The following SMYD3 variants were observed in gnomAD, a reference collection of about 807,000 sequenced individuals.
SMYD3 encodes the protein histone-lysine N-methyltransferase SMYD3.
In SMYD3, 36 loss-of-function variants were observed where a neutral mutation model predicts 57.7. The observed-to-expected ratio is 0.62, with a 90% confidence interval of 0.48 to 0.82. The LOEUF (loss-of-function observed/expected upper bound fraction) is 0.82. Ranked by LOEUF, SMYD3 falls within the 40% of genes least tolerant of loss-of-function variation. The pLI is 0.00. For synonymous variants in SMYD3, 211 were observed against 195.0 expected, an observed-to-expected ratio of 1.08 and a Z score of -0.68; for missense variants, 515 against 538.8, an observed-to-expected ratio of 0.96 and a Z score of 0.44.
intron 5 of SMYD3, among the ~76,000 whole-genome samples, chr1:245,980,167 C>T (rs1193738862): frequency 6.6e-6 from 1 of 152,222 alleles, no homozygotes; most frequent in East Asian, 1.9e-4. Flanking sequence ...GCGGCATGAT[C>T]TCTATCACAG....
At chr1:246,269,533 C>CTTTTTTTTTTTT (rs139750750) in intron 5 of SMYD3, among the ~76,000 whole-genome samples, 1 of 138,788 alleles carries the variant, frequency 7.2e-6, no homozygotes, top group Non-Finnish European at 1.5e-5. Flanking sequence ...CTTTCTGTTT[C>CTTTTTTTTTTTT]TTTTTTTTTC....
At position 246,507,040 on chromosome 1, in the gene SMYD3, C is replaced by T. The variant is rs1424562765; in HGVS notation, c.164+14G>A. 6 of 1,412,514 alleles carry T rather than the reference C, an allele frequency of 4.2e-6. No homozygotes were observed. Among genetic ancestry groups the T allele is most frequent in the Middle Eastern group, 1.8e-4 (1 of 5,408 alleles). 87.5% of individuals were successfully genotyped at this position (1,412,514 alleles called of 1,614,324 possible). A position where few individuals can be genotyped will look rare whatever the true frequency, so the allele number is the denominator to read the frequency against. ...AGCTCGCGACTCAGGTAGGCGAGGGCGCTCCTTACGCACCCGAGAAGGCAG... is the reference window on the plus strand; with the variant it reads ...AGCTCGCGACTCAGGTAGGCGAGGGTGCTCCTTACGCACCCGAGAAGGCAG... On this transcript the variant is annotated intron_variant, in intron 1 of 11. Transcript: ENST00000490107.
intron 5 of SMYD3, among the ~76,000 whole-genome samples, chr1:246,288,840 C>A (rs1305048990): frequency 6.6e-6 from 1 of 152,132 alleles, no homozygotes; most frequent in Non-Finnish European, 1.5e-5. Context: ...TGGCCAGGCA[C>A]GGTGACTCAC....
intron 5 of SMYD3, among the ~76,000 whole-genome samples, chr1:245,942,175 C>A (rs1310688972): frequency 6.6e-6 from 1 of 152,186 alleles, no homozygotes. Flanking sequence ...TTAAAAGACA[C>A]AGAATGGCAA....
At chr1:246,255,271 AGATGGATCTTATTATTTT>A (rs992691830) in intron 5 of SMYD3, among the ~76,000 whole-genome samples, 2 of 151,452 alleles carry the variant, frequency 1.3e-5, no homozygotes, top group Admixed American at 1.3e-4. Context: ...GGTTTGTCAT[AGATGGATCTTATTATTTT>A]GATGGATCTT....
chr1:246,390,214 CAAAAAAAAAAAAAA>C (rs56279385), intron 1 of SMYD3, among the ~76,000 whole-genome samples: 5 of 67,040 alleles, frequency 7.5e-5, no homozygotes, highest in African/African-American at 1.9e-4. Context: ...ATTCTGTCTC[CAAAAAAAAAAAAAA>C]AAAAAAAAAA....
At chr1:246,251,317 T>C (rs1276082155) in intron 5 of SMYD3, among the ~76,000 whole-genome samples, 1 of 152,224 alleles carries the variant, frequency 6.6e-6, no homozygotes, top group African/African-American at 2.4e-5. Context: ...TATTCACAGG[T>C]AAGCTGCAAA....
intron 5 of SMYD3, among the ~76,000 whole-genome samples, chr1:246,029,068 T>A (rs146708296): frequency 5.3e-5 from 8 of 152,226 alleles, no homozygotes; most frequent in African/African-American, 1.7e-4. Flanking sequence ...TATACAAAAG[T>A]AAACTCAAAA....
At chr1:246,077,602 G>T (rs2060570148) in intron 5 of SMYD3, among the ~76,000 whole-genome samples, 1 of 151,742 alleles carries the variant, frequency 6.6e-6, no homozygotes, top group Non-Finnish European at 1.5e-5. Context: ...CCAGGAAAAG[G>T]TCATAAAACA....
chr1:246,335,387 C>G lies in SMYD3; in HGVS notation c.316G>C (p.Gly106Arg), dbSNP rs553309758. The change falls in exon 3 of 12, where the codon GGC (glycine) becomes CGC (arginine). Residue 106 changes from glycine to arginine, a missense_variant. Transcript: ENST00000490107. ...CTCACAAGTTTGAAGACAACTCTGC[C>G]AAGAAGTCGAACGGAGTCTGGAGGA... ...RYPPDSVRLLGRVVFKLMDGA... is the reference protein window; with the variant it reads ...RYPPDSVRLLRRVVFKLMDGA... The G allele has an allele frequency of 2.3e-4, 372 of 1,614,094 alleles. 5 individuals are homozygous for G. The South Asian group carries it at 4.0e-3, about 17-fold the overall frequency.
chr1:246,497,881 A>G (rs2068389020), intron 1 of SMYD3, among the ~76,000 whole-genome samples: 1 of 152,092 alleles, frequency 6.6e-6, no homozygotes. Context: ...GGAAAAAAAA[A>G]AAGAAAAGGA....
At chr1:245,752,457 A>T (rs139529723) in intron 11 of SMYD3, among the ~76,000 whole-genome samples, 1 of 152,116 alleles carries the variant, frequency 6.6e-6, no homozygotes, top group East Asian at 1.9e-4. Flanking sequence ...CTCTGACTTG[A>T]CTCAGAGGCT....
At chr1:246,230,267 C>CT (rs1250489208) in intron 5 of SMYD3, among the ~76,000 whole-genome samples, 2 of 152,260 alleles carry the variant, frequency 1.3e-5, no homozygotes, top group African/African-American at 2.4e-5. Flanking sequence ...TGACATCAAT[C>CT]TTTTTTTCAC....
intron 5 of SMYD3, among the ~76,000 whole-genome samples, chr1:246,208,241 G>A (rs1288332261): frequency 2.0e-5 from 3 of 152,084 alleles, no homozygotes; most frequent in Admixed American, 1.3e-4. Context: ...AATTAAATAA[G>A]GAGAGTTTGA....
chr1:245,810,800 A>T (rs1032511597), intron 10 of SMYD3, among the ~76,000 whole-genome samples: 12 of 152,166 alleles, frequency 7.9e-5, no homozygotes, highest in African/African-American at 2.9e-4. Context: ...CCCAACAGCA[A>T]ATTGAAATAT....
intron 5 of SMYD3, among the ~76,000 whole-genome samples, chr1:246,157,611 A>T (rs2062041766): frequency 6.6e-6 from 1 of 151,202 alleles, no homozygotes. Flanking sequence ...TCCTAAAAGA[A>T]TGAAGTCCCT....
At chr1:246,250,326 A>C (rs2063779744) in intron 5 of SMYD3, among the ~76,000 whole-genome samples, 2 of 152,354 alleles carry the variant, frequency 1.3e-5, no homozygotes, top group African/African-American at 2.4e-5. Context: ...AGCTGAATTC[A>C]GTACACTATT....
At chr1:245,882,489 T>A (rs1397583436) in intron 8 of SMYD3, among the ~76,000 whole-genome samples, 1 of 152,148 alleles carries the variant, frequency 6.6e-6, no homozygotes, top group African/African-American at 2.4e-5. Flanking sequence ...TGGGTAATAG[T>A]TCTAAATCTA....
Position 246,168,803 on chromosome 1 carries a change from C to T in SMYD3, c.531+158398G>A, listed in dbSNP as rs182468385. Among the ~76,000 whole-genome samples the T allele has an allele frequency of 2.3e-3, 354 of 152,236 alleles. 1 individual carries two copies. Among genetic ancestry groups the T allele is most frequent in the Admixed American group, 6.5e-3 (100 of 15,294 alleles). On this transcript the variant is annotated intron_variant, in intron 5 of 11. Transcript: ENST00000490107. ...ATGTATATTGTTCTGACAAGTCTAC[C>T]TTGCTGCCAATATGCTTTTGCCGTC...
Sources: allele counts gnomAD v4.1 joint callset (sites outside exome capture counted in the v4.1 genomes callset), GRCh38; gene constraint gnomAD v4.1.1; transcripts MANE v1.5; gene names NCBI Gene and HGNC (gene_info 2026-07-23, HGNC 2026-07-21).